Variants in DDR2 observed in about 807,000 individuals in gnomAD.
DDR2 encodes the protein discoidin domain-containing receptor 2.
DDR2 carries 27 observed loss-of-function variants against 94.9 expected under a neutral mutation model. The observed-to-expected ratio is 0.28, with a 90% CI of 0.21 to 0.39. DDR2 has a LOEUF of 0.39. DDR2 is among the 10% of genes least tolerant of loss of function. The probability of loss-of-function intolerance (pLI) is 1.00; values close to 1 mark genes in which losing one functional copy is unlikely to be tolerated. For missense variants in DDR2, 783 were observed against 1,076.0 expected, an observed-to-expected ratio of 0.73 and a Z score of 3.81; for synonymous variants, 382 against 377.2, an observed-to-expected ratio of 1.01 and a Z score of -0.15.
Position 162,690,624 on chromosome 1 carries a change from T to C in DDR2, c.-27-28413T>C, listed in dbSNP as rs76719745. ...GAGAATTAAAATATATGAATGTTTC[T>C]CATCCTTTACAAAACCCACACATCT... On this transcript the variant is annotated intron_variant, in intron 2 of 17. Transcript: ENST00000367921. Among the ~76,000 whole-genome samples the C allele has an allele frequency of 4.9e-3, 742 of 151,350 alleles. 4 individuals are homozygous for C. Among genetic ancestry groups the C allele is most frequent in the African/African-American group, 0.017 (708 of 41,498 alleles).
chr1:162,684,474 C>A (rs138370785), intron 2 of DDR2, among the ~76,000 whole-genome samples: 8 of 152,086 alleles, frequency 5.3e-5, no homozygotes, highest in Non-Finnish European at 1.2e-4. Context: ...TCCCAACTAA[C>A]ACCACTAATT....
chr1:162,741,192 C>T (rs13374477), intron 3 of DDR2, among the ~76,000 whole-genome samples: 1,575 of 34,084 alleles, frequency 0.046, 32 homozygotes, highest in African/African-American at 0.092. Flanking sequence ...TATAACATAA[C>T]ATAATACAAT....
chr1:162,768,901 C>T (rs1664127787), intron 11 of DDR2, among the ~76,000 whole-genome samples: 1 of 152,168 alleles, frequency 6.6e-6, no homozygotes, highest in Non-Finnish European at 1.5e-5. Flanking sequence ...CAAAATTTTT[C>T]CTCCTTTAGA....
At chr1:162,770,872 A>G (rs1664235727) in intron 12 of DDR2, 1 of 319,902 alleles carries the variant, frequency 3.1e-6, no homozygotes, top group Non-Finnish European at 6.0e-6. Context: ...ACCCAACACC[A>G]AATTTCATGA....
intron 2 of DDR2, among the ~76,000 whole-genome samples, chr1:162,711,217 A>G (rs1229422020): frequency 6.6e-6 from 1 of 152,204 alleles, no homozygotes; most frequent in African/African-American, 2.4e-5. Flanking sequence ...AAGATTTGCT[A>G]TTCAAAGGAA....
chr1:162,766,579 C>T (rs1364443267), intron 10 of DDR2, among the ~76,000 whole-genome samples: 6 of 152,120 alleles, frequency 3.9e-5, no homozygotes, highest in African/African-American at 1.4e-4. Context: ...TGGTTCCTCA[C>T]CTGTTTTTCA....
chr1:162,670,273 G>A (rs1658768426), intron 2 of DDR2, among the ~76,000 whole-genome samples: 1 of 152,144 alleles, frequency 6.6e-6, no homozygotes, highest in South Asian at 2.1e-4. Context: ...ACCATGCCTG[G>A]CTAATTTTTG....
Position 162,749,127 on chromosome 1 carries a change from C to G in DDR2, c.83-3968C>G, listed in dbSNP as rs555518805. ...AAGCAAGAGCAAACACATTCAAAAGCTAGCAGAAGGCAAGAAATAACTAAG... is the reference window on the plus strand; with the variant it reads ...AAGCAAGAGCAAACACATTCAAAAGGTAGCAGAAGGCAAGAAATAACTAAG... On this transcript the variant is annotated intron_variant, in intron 3 of 17. Transcript: ENST00000367921. Among the ~76,000 whole-genome samples the G allele has an allele frequency of 9.5e-3, 1,440 of 150,942 alleles. 20 individuals are homozygous for G. The highest frequency in any genetic ancestry group is 0.033 in the African/African-American group (1,375 of 41,086).
chr1:162,684,346 A>G (rs1659555277), intron 2 of DDR2, among the ~76,000 whole-genome samples: 1 of 152,192 alleles, frequency 6.6e-6, no homozygotes, highest in Non-Finnish European at 1.5e-5. Context: ...CTACAAACCA[A>G]AAGAATTATT....
rs781577176 is a variant in DDR2 at position 162,778,769 on chromosome 1, C to T, written c.2433+40C>T. On this transcript the variant is annotated intron_variant, in intron 17 of 17. Transcript: ENST00000367921. ...GGATGAATGGATGTGGACCTGTGTACCTTGAAGGATGGAGAATGGCAAGTC... is the reference window on the plus strand; with the variant it reads ...GGATGAATGGATGTGGACCTGTGTATCTTGAAGGATGGAGAATGGCAAGTC... The T allele has an allele frequency of 3.1e-6, 5 of 1,613,050 alleles. No homozygotes were observed. In the South Asian group the frequency reaches 3.3e-5, roughly 11 times the overall value.
intron 12 of DDR2, among the ~76,000 whole-genome samples, chr1:162,771,628 T>C (rs1054168008): frequency 6.6e-6 from 1 of 152,214 alleles, no homozygotes; most frequent in African/African-American, 2.4e-5. Flanking sequence ...ATGTCTTTAA[T>C]CTGAAAGTTT....
At chr1:162,733,060 G>A (rs1403428952) in intron 3 of DDR2, among the ~76,000 whole-genome samples, 2 of 152,166 alleles carry the variant, frequency 1.3e-5, no homozygotes, top group South Asian at 2.1e-4. Flanking sequence ...GGTGGGTAGC[G>A]GAAGCATCAG....
intron 2 of DDR2, among the ~76,000 whole-genome samples, chr1:162,696,794 C>A (rs920653613): frequency 1.2e-4 from 18 of 152,280 alleles, no homozygotes; most frequent in Non-Finnish European, 1.3e-4. Context: ...TCCCAGCCTT[C>A]TTCCCTGCCC....
chr1:162,692,889 C>T (rs1344659413), intron 2 of DDR2, among the ~76,000 whole-genome samples: 1 of 152,166 alleles, frequency 6.6e-6, no homozygotes, highest in East Asian at 1.9e-4. Flanking sequence ...GTTGATACAG[C>T]ATCATTAGTT....
intron 2 of DDR2, among the ~76,000 whole-genome samples, chr1:162,678,488 C>T (rs1050723920): frequency 2.0e-5 from 3 of 152,198 alleles, no homozygotes; most frequent in Non-Finnish European, 4.4e-5. Context: ...TAGAAACAGT[C>T]TTGCAGAAAG....
At chr1:162,742,491 ACT>A (rs1662661711) in intron 3 of DDR2, among the ~76,000 whole-genome samples, 1 of 152,136 alleles carries the variant, frequency 6.6e-6, no homozygotes, top group South Asian at 2.1e-4. Flanking sequence ...GGGACTGCAC[ACT>A]CTTAAATGAC....
chr1:162,770,282 T>C lies in DDR2; in HGVS notation c.1294-20T>C. The C allele has an allele frequency of 1.9e-6, 3 of 1,613,262 alleles. No individual in the cohort carries two copies. The highest frequency in any genetic ancestry group is 2.5e-6 in the Non-Finnish European group (3 of 1,179,570). ...TCTCTTTTGTGCCAACATGCCTTTCTCCTTGCTCTTCTCTTCCAGGCTTCT... is the reference window on the plus strand; with the variant it reads ...TCTCTTTTGTGCCAACATGCCTTTCCCCTTGCTCTTCTCTTCCAGGCTTCT... On this transcript the variant is annotated intron_variant, in intron 11 of 17. Coordinates refer to ENST00000367921, the MANE Select transcript of DDR2 (RefSeq NM_006182.4).
chr1:162,735,265 T>C (rs1662239255), intron 3 of DDR2, among the ~76,000 whole-genome samples: 1 of 152,154 alleles, frequency 6.6e-6, no homozygotes. Flanking sequence ...ACAGTTGACC[T>C]AAACCCTCTG....
chr1:162,685,528 T>C (rs866090462), intron 2 of DDR2, among the ~76,000 whole-genome samples: 1 of 151,992 alleles, frequency 6.6e-6, no homozygotes, highest in Non-Finnish European at 1.5e-5. Flanking sequence ...GGCTCTACTT[T>C]TTTAACAAGG....
Sources: allele counts gnomAD v4.1 joint callset (sites outside exome capture counted in the v4.1 genomes callset), GRCh38; gene constraint gnomAD v4.1.1; transcripts MANE v1.5; gene names NCBI Gene and HGNC (gene_info 2026-07-23, HGNC 2026-07-21).